The following FGF13 variants were observed in gnomAD, a reference collection of about 807,000 sequenced individuals.
FGF13 encodes the protein fibroblast growth factor 13, also known as fibroblast growth factor homologous factor 2.
A neutral mutation model predicts 19.5 loss-of-function variants in FGF13; 2 were observed. The observed-to-expected ratio is 0.10, with a 90% CI of 0.04 to 0.32. The LOEUF is 0.32. Ranked by LOEUF, FGF13 falls within the 10% of genes least tolerant of loss-of-function variation. The pLI is 1.00. For missense variants in FGF13, 113 were observed against 192.7 expected (o/e 0.59, Z 2.45); for synonymous variants, 72 against 76.9 (o/e 0.94, Z 0.33).
At chrX:139,162,903 A>G (rs748525077) in intron 1 of FGF13, among the ~76,000 whole-genome samples, 1 of 112,397 alleles carries the variant, frequency 8.9e-6, no homozygotes, top group South Asian at 3.7e-4. Flanking sequence ...CAGATGCTAC[A>G]GAGGATGTGG....
chrX:139,156,960 C>T (rs2083981565), intron 1 of FGF13, among the ~76,000 whole-genome samples: 1 of 111,423 alleles, frequency 9.0e-6, no homozygotes, highest in African/African-American at 3.3e-5. Context: ...AAACAAGAGG[C>T]CGCTGAGAAA....
chrX:139,130,008 G>A (rs2083749276), intron 1 of FGF13, among the ~76,000 whole-genome samples: 1 of 112,472 alleles, frequency 8.9e-6, no homozygotes. Context: ...AGCGGGGACA[G>A]TAGTAAGAAC....
intron 3 of FGF13, among the ~76,000 whole-genome samples, chrX:138,675,354 T>C (rs2089654289): frequency 8.9e-6 from 1 of 111,929 alleles, no homozygotes; most frequent in Non-Finnish European, 1.9e-5. Context: ...GCCGAAGAAA[T>C]AGGATTTACT....
At chrX:139,116,031 T>A (rs2083637407) in intron 1 of FGF13, among the ~76,000 whole-genome samples, 1 of 112,528 alleles carries the variant, frequency 8.9e-6, no homozygotes, top group African/African-American at 3.2e-5. Flanking sequence ...GGATCACTTC[T>A]GTGAATACAG....
intron 3 of FGF13, among the ~76,000 whole-genome samples, chrX:138,810,996 G>A (rs1456534073): frequency 8.9e-6 from 1 of 112,038 alleles, no homozygotes; most frequent in Non-Finnish European, 1.9e-5. Context: ...CACTGTTGGT[G>A]GGACTGTAAA....
chrX:138,927,992 T>C (rs1225868264), intron 1 of FGF13, among the ~76,000 whole-genome samples: 1 of 112,016 alleles, frequency 8.9e-6, no homozygotes, highest in African/African-American at 3.2e-5. Context: ...TTCCCCTAAA[T>C]TAGTAAATAT....
chrX:139,088,751 C>T lies in FGF13; in HGVS notation c.-113+114665G>A, dbSNP rs190581991. Reference sequence around the variant, plus strand: ...CACACAAGCAAGGAACACACTCCATCGAGGAGGCTACAGTCTGAATGTCTG... The same window carrying T: ...CACACAAGCAAGGAACACACTCCATTGAGGAGGCTACAGTCTGAATGTCTG... On this transcript the variant is annotated intron_variant, in intron 1 of 2. Coordinates refer to the FGF13 transcript ENST00000421460. Among the ~76,000 whole-genome samples the T allele has an allele frequency of 2.1e-4, 23 of 111,436 alleles. 1 individual carries two copies. In the East Asian group the frequency reaches 6.0e-3, roughly 29 times the overall value.
chrX:138,962,088 C>A (rs144785687), intron 1 of FGF13, among the ~76,000 whole-genome samples: 9 of 111,942 alleles, frequency 8.0e-5, no homozygotes, highest in African/African-American at 1.3e-4. Flanking sequence ...TGTTTGCAAT[C>A]TACCCATTTG....
rs1291424549 is a variant in FGF13 at position 138,630,362 on chromosome X, G to A, written c.*2488C>T. On this transcript the variant is annotated 3_prime_UTR_variant, in exon 5 of 5. Transcript: ENST00000315930. ...AAACTTTAAAGTTCTTAGAGAAAGA[G>A]GGAGACAATGCACTACTTTTCCCTA... is the stretch of plus-strand genomic sequence containing the variant. 1.8e-5 allele frequency: 2 copies of A among 111,185 alleles called. No individual in the cohort carries two copies. The highest frequency in any genetic ancestry group is 6.6e-5 in the African/African-American group (2 of 30,528). The allele number at this position is 111,185 out of a possible 1,213,427, so 9.2% of individuals were successfully genotyped here. A position where few individuals can be genotyped will look rare whatever the true frequency, so the allele number is the denominator to read the frequency against.
chrX:138,908,325 ACCTT>A (rs2124221316), intron 1 of FGF13, among the ~76,000 whole-genome samples: 2 of 103,493 alleles, frequency 1.9e-5, no homozygotes, highest in East Asian at 6.1e-4. Flanking sequence ...TGATCCGCCC[ACCTT>A]GGCTCCCAAA....
intron 3 of FGF13, among the ~76,000 whole-genome samples, chrX:138,645,991 ATGT>A (rs1182480962): frequency 1.8e-5 from 2 of 112,297 alleles, no homozygotes; most frequent in East Asian, 2.8e-4. Context: ...CAAAACTACA[ATGT>A]TATTATCTCA....
intron 3 of FGF13, among the ~76,000 whole-genome samples, chrX:138,801,252 C>T (rs376729961): frequency 8.9e-6 from 1 of 112,148 alleles, no homozygotes; most frequent in African/African-American, 3.2e-5. Flanking sequence ...TGATGACCTT[C>T]GAATGGGACT....
intron 3 of FGF13, among the ~76,000 whole-genome samples, chrX:138,787,200 G>C (rs750457826): frequency 1.8e-5 from 2 of 112,625 alleles, no homozygotes; most frequent in South Asian, 7.4e-4. Flanking sequence ...ATTGATATTT[G>C]AATTAGCCCT....
chrX:138,726,041 G>A (rs779479697), intron 1 of FGF13, among the ~76,000 whole-genome samples: 52 of 111,097 alleles, frequency 4.7e-4, no homozygotes, highest in Non-Finnish European at 7.6e-4. Flanking sequence ...TAAACTTCAG[G>A]AAAGCTCCAT....
intron 1 of FGF13, among the ~76,000 whole-genome samples, chrX:139,136,437 C>T (rs1242152260): frequency 9.7e-6 from 1 of 103,493 alleles, no homozygotes; most frequent in Non-Finnish European, 1.9e-5. Context: ...AAGGGCAACA[C>T]ATGTGTTCTA....
chrX:138,818,924 T>G (rs1029574913), intron 3 of FGF13, among the ~76,000 whole-genome samples: 1 of 111,810 alleles, frequency 8.9e-6, no homozygotes, highest in Non-Finnish European at 1.9e-5. Context: ...GGCTAGAGAA[T>G]TGTATGGGCC....
intron 1 of FGF13, among the ~76,000 whole-genome samples, chrX:139,099,783 T>G (rs372294931): frequency 9.0e-6 from 1 of 111,510 alleles, no homozygotes; most frequent in South Asian, 3.8e-4. Context: ...ACATAAGATT[T>G]CAGAGAGAAT....
intron 1 of FGF13, among the ~76,000 whole-genome samples, chrX:138,954,674 G>C (rs2124293983): frequency 9.0e-6 from 1 of 111,460 alleles, no homozygotes; most frequent in East Asian, 2.8e-4. Context: ...AAAATAGAGA[G>C]AATGCATTTT....
intron 1 of FGF13, among the ~76,000 whole-genome samples, chrX:138,904,976 G>A (rs896607381): frequency 1.2e-4 from 13 of 111,829 alleles, no homozygotes; most frequent in African/African-American, 4.2e-4. Context: ...TATTGAAAAG[G>A]ATTTTGAAAT....
Sources: gnomAD v4.1 joint callset for allele counts (sites outside exome capture counted in the v4.1 genomes callset) on GRCh38, gnomAD v4.1.1 for gene constraint, MANE v1.5 for transcripts, NCBI Gene and HGNC (gene_info 2026-07-23, HGNC 2026-07-21) for gene names.